EMCN: variants seen among roughly 807,000 people sequenced by gnomAD.
EMCN encodes MUC-14.
EMCN carries 37 observed loss-of-function variants against 38.4 expected under a neutral mutation model. The ratio of observed to expected loss-of-function variants is 0.96; its 90% CI spans 0.74 to 1.27. The LOEUF is 1.27. Among genes scored for constraint, EMCN ranks in the 50% most tolerant of loss-of-function variants. The pLI is 0.00. For synonymous variants in EMCN, 95 were observed against 100.8 expected, an observed-to-expected ratio of 0.94 and a Z score of 0.35; for missense variants, 318 against 302.8, an observed-to-expected ratio of 1.05 and a Z score of -0.37.
chr4:100,405,388 C>A, intron 11 of EMCN, among the ~76,000 whole-genome samples: 1 of 152,032 alleles, frequency 6.6e-6, no homozygotes. Flanking sequence ...AGGTATATTT[C>A]TTCAATGCCT....
chr4:100,514,933 C>T (rs1188348619), intron 1 of EMCN, among the ~76,000 whole-genome samples: 3 of 152,084 alleles, frequency 2.0e-5, no homozygotes, highest in Non-Finnish European at 4.4e-5. Flanking sequence ...CTCTCTCCCC[C>T]ACTTCTACGG....
At chr4:100,460,386 G>C (rs571725706) in intron 4 of EMCN, among the ~76,000 whole-genome samples, 1 of 152,038 alleles carries the variant, frequency 6.6e-6, no homozygotes, top group Non-Finnish European at 1.5e-5. Flanking sequence ...GTATTAGTCT[G>C]TTCTCACACT....
chr4:100,470,321 T>A, intron 3 of EMCN, among the ~76,000 whole-genome samples: 1 of 146,564 alleles, frequency 6.8e-6, no homozygotes, highest in Admixed American at 6.9e-5. Flanking sequence ...GACATGCAAA[T>A]CAAAACCACA....
intron 3 of EMCN, among the ~76,000 whole-genome samples, chr4:100,469,297 G>T (rs1386622877): frequency 1.3e-5 from 2 of 151,968 alleles, no homozygotes; most frequent in East Asian, 3.9e-4. Context: ...AGAAGATAGG[G>T]GCAAATCTCC....
chr4:100,434,888 A>G (rs1727306372), intron 5 of EMCN, among the ~76,000 whole-genome samples: 1 of 152,196 alleles, frequency 6.6e-6, no homozygotes, highest in Non-Finnish European at 1.5e-5. Flanking sequence ...AAATAATAAG[A>G]GCCATATATG....
intron 4 of EMCN, among the ~76,000 whole-genome samples, chr4:100,449,125 A>C (rs1727768218): frequency 6.6e-6 from 1 of 152,144 alleles, no homozygotes; most frequent in Non-Finnish European, 1.5e-5. Flanking sequence ...ACATATGGAT[A>C]GAATGAATGA....
At chr4:100,493,241 G>A (rs56358101) in intron 1 of EMCN, among the ~76,000 whole-genome samples, 1,729 of 152,116 alleles carry the variant, frequency 0.011, 13 homozygotes, top group Non-Finnish European at 0.017. Context: ...CTTATTCTCT[G>A]AATTTTGTCA....
At chr4:100,452,603 A>C (rs1727878898) in intron 4 of EMCN, among the ~76,000 whole-genome samples, 2 of 152,122 alleles carry the variant, frequency 1.3e-5, no homozygotes, top group Non-Finnish European at 2.9e-5. Context: ...AATCCTTTAC[A>C]GTGTGCAAGA....
chr4:100,450,769 A>T (rs996588937), intron 4 of EMCN, among the ~76,000 whole-genome samples: 1 of 151,964 alleles, frequency 6.6e-6, no homozygotes, highest in South Asian at 2.1e-4. Context: ...CTAAGTCTCA[A>T]AATAAGTTTC....
chr4:100,417,044 A>G (rs1432944851), intron 9 of EMCN, 73 bp downstream of exon 9: 4 of 1,442,194 alleles, frequency 2.8e-6, no homozygotes, highest in African/African-American at 1.4e-5. Flanking sequence ...CCAAAAAAGT[A>G]TAAGTAGAGT....
intron 5 of EMCN, among the ~76,000 whole-genome samples, chr4:100,424,249 T>C (rs934974744): frequency 6.6e-6 from 1 of 152,128 alleles, no homozygotes; most frequent in Non-Finnish European, 1.5e-5. Flanking sequence ...GAAAACTTTT[T>C]GAAAATGTAT....
At chr4:100,412,406 G>C (rs1006506019) in intron 10 of EMCN, among the ~76,000 whole-genome samples, 12 of 152,114 alleles carry the variant, frequency 7.9e-5, no homozygotes, top group African/African-American at 2.9e-4. Context: ...ATCAACTGAT[G>C]CCTTGAAGCT....
chr4:100,506,945 A>G (rs1170005159), intron 1 of EMCN, among the ~76,000 whole-genome samples: 2 of 152,206 alleles, frequency 1.3e-5, no homozygotes, highest in Non-Finnish European at 2.9e-5. Context: ...CACAAATGCT[A>G]GTAATTTAAT....
intron 8 of EMCN, among the ~76,000 whole-genome samples, chr4:100,417,997 C>A (rs1224840418): frequency 1.3e-5 from 2 of 152,094 alleles, no homozygotes; most frequent in African/African-American, 4.8e-5. Context: ...ATTCTCCTGG[C>A]TTTGACTATC....
intron 5 of EMCN, among the ~76,000 whole-genome samples, chr4:100,438,713 TG>T: frequency 6.6e-6 from 1 of 152,166 alleles, no homozygotes; most frequent in Non-Finnish European, 1.5e-5. Flanking sequence ...ATTGTAGCTG[TG>T]GGTTTTTCAT....
chr4:100,410,731 A>G (rs1465067233), intron 10 of EMCN, among the ~76,000 whole-genome samples: 2 of 152,150 alleles, frequency 1.3e-5, no homozygotes, highest in African/African-American at 2.4e-5. Flanking sequence ...TTAAAGTGCC[A>G]TTTTATCAGG....
At chr4:100,461,013 T>C (rs1454991565) in intron 4 of EMCN, among the ~76,000 whole-genome samples, 2 of 152,216 alleles carry the variant, frequency 1.3e-5, no homozygotes, top group African/African-American at 4.8e-5. Flanking sequence ...TAAAATTCAC[T>C]GTCCTTACCA....
intron 11 of EMCN, among the ~76,000 whole-genome samples, chr4:100,401,815 A>G (rs1560600540): frequency 6.6e-6 from 1 of 151,832 alleles, no homozygotes; most frequent in Non-Finnish European, 1.5e-5. Context: ...AACCCCCTTC[A>G]CTCTTCAGCC....
chr4:100,405,660 A>G (rs926194322), intron 11 of EMCN, among the ~76,000 whole-genome samples: 1 of 152,158 alleles, frequency 6.6e-6, no homozygotes, highest in Non-Finnish European at 1.5e-5. Context: ...ATCTAGGTTC[A>G]TCAGAGATAT....
Sources: allele counts gnomAD v4.1 joint callset (sites outside exome capture counted in the v4.1 genomes callset), GRCh38; gene constraint gnomAD v4.1.1; transcripts MANE v1.5; gene names NCBI Gene and HGNC (gene_info 2026-07-23, HGNC 2026-07-21).